NEIL3: variants seen among roughly 807,000 people sequenced by gnomAD.
NEIL3 encodes nei like DNA glycosylase 3, also known as endonuclease 8-like 3.
A neutral mutation model predicts 57.5 loss-of-function variants in NEIL3; 48 were observed. The observed-to-expected ratio is 0.83, with a 90% CI of 0.66 to 1.06. NEIL3 has a LOEUF of 1.06. Ranked by LOEUF, NEIL3 falls within the 50% of genes least tolerant of loss-of-function variation. NEIL3 has a pLI of 0.00. For missense variants in NEIL3, 717 were observed against 739.1 expected (o/e 0.97, Z 0.35); for synonymous variants, 261 against 253.2 (o/e 1.03, Z -0.29).
At chr4:177,320,466 CTTTTTTTTTT>C (rs34353849) in intron 1 of NEIL3, among the ~76,000 whole-genome samples, 7 of 77,456 alleles carry the variant, frequency 9.0e-5, no homozygotes, top group East Asian at 1.5e-3. Flanking sequence ...TGACTGCTGT[CTTTTTTTTTT>C]TTTTTTTTTT....
intron 6 of NEIL3, chr4:177,343,855 A>T (rs1409551895): frequency 1.3e-5 from 2 of 151,880 alleles, no homozygotes; most frequent in Non-Finnish European, 2.9e-5. Flanking sequence ...ACTTTTTTAT[A>T]ATATAGGTAT....
At chr4:177,369,518 G>A in the NEIL3 span, among the ~76,000 whole-genome samples, 1 of 152,134 alleles carries the variant, frequency 6.6e-6, no homozygotes, top group Non-Finnish European at 1.5e-5. Context: ...AGGAGCCCAT[G>A]GGCAGATAAG....
chr4:177,342,932 T>G (rs1735126699), intron 6 of NEIL3: 1 of 152,174 alleles, frequency 6.6e-6, no homozygotes, highest in Non-Finnish European at 1.5e-5. Context: ...TTTCCTAAAT[T>G]AGCACATTAA....
At chr4:177,314,489 G>C (rs1734536419) in intron 1 of NEIL3, among the ~76,000 whole-genome samples, 1 of 152,110 alleles carries the variant, frequency 6.6e-6, no homozygotes, top group East Asian at 1.9e-4. Context: ...TTAGTACCTA[G>C]CAAAATAAAC....
At chr4:177,335,951 C>T in intron 3 of NEIL3, 129 bp downstream of exon 3, 2 of 1,060,074 alleles carry the variant, frequency 1.9e-6, no homozygotes, top group South Asian at 3.5e-5. Context: ...TTAAAGAAGC[C>T]TTCAGATAAT....
At chr4:177,336,085 G>C in intron 3 of NEIL3, 23 bp from the exon 4 acceptor site, 1 of 1,538,184 alleles carries the variant, frequency 6.5e-7, no homozygotes, top group South Asian at 1.1e-5. Context: ...TATGATTAAT[G>C]TGTTTTATAT....
At chr4:177,322,435 G>A (rs772254684) in intron 1 of NEIL3, 24 bp from the exon 2 acceptor site, 2 of 1,613,712 alleles carry the variant, frequency 1.2e-6, no homozygotes, top group Admixed American at 3.3e-5. Context: ...GTGTGCTTAT[G>A]TGTGTACATG....
In NEIL3 at chr4:177,345,594, G is replaced by T. The variant is rs935046816; in HGVS notation, c.869+3952G>T. The stretch of plus-strand genomic sequence containing the variant: ...AGATGGCGTTTCCCATGTTGGCCAG[G>T]ATGGTCTCGATCTCTTGGCCTCGTG... On this transcript the variant is annotated intron_variant, in intron 6 of 9. Coordinates refer to ENST00000264596, the MANE Select transcript of NEIL3 (RefSeq NM_018248.3). Among the ~76,000 whole-genome samples the T allele has an allele frequency of 1.3e-4, 19 of 151,660 alleles. 1 individual carries two copies. Among genetic ancestry groups the T allele is most frequent in the African/African-American group, 3.4e-4 (14 of 41,294 alleles).
Position 177,351,475 on chromosome 4 carries a change from C to T in NEIL3, c.965C>T (p.Thr322Ile), listed in dbSNP as rs911158249. 1 of 1,613,770 alleles carries T rather than the reference C, an allele frequency of 6.2e-7. No individual in the cohort carries two copies. Among genetic ancestry groups the T allele is most frequent in the African/African-American group, 1.3e-5 (1 of 74,970 alleles). ...SVARKSEEHWTCVVCTLINKP... is the reference protein window; with the variant it reads ...SVARKSEEHWICVVCTLINKP... ...GCTCGGAAGTCGGAAGAGCACTGGA[C>T]CTGTGTGGTGTGTACTTTAATCAAT... is the stretch of plus-strand genomic sequence containing the variant. The change falls in exon 7 of 10, where the codon ACC (threonine) becomes ATC (isoleucine). Residue 322 changes from threonine (T) to isoleucine (I), a missense_variant. Transcript: ENST00000264596.
chr4:177,312,216 G>C (rs1028843641), intron 1 of NEIL3, among the ~76,000 whole-genome samples: 1 of 152,138 alleles, frequency 6.6e-6, no homozygotes, highest in African/African-American at 2.4e-5. Flanking sequence ...GAGGCTCAGA[G>C]TGACTTTAAG....
At chr4:177,316,997 G>A (rs1318557922) in intron 1 of NEIL3, among the ~76,000 whole-genome samples, 1 of 152,080 alleles carries the variant, frequency 6.6e-6, no homozygotes, top group Non-Finnish European at 1.5e-5. Flanking sequence ...ATTAAAAAAG[G>A]AATTCTTAAA....
chr4:177,322,023 T>C (rs1316884983), intron 1 of NEIL3, among the ~76,000 whole-genome samples: 1 of 152,244 alleles, frequency 6.6e-6, no homozygotes, highest in African/African-American at 2.4e-5. Flanking sequence ...AAAAATATTT[T>C]GTTTTCATAT....
intron 8 of NEIL3, among the ~76,000 whole-genome samples, chr4:177,357,893 C>T (rs1560922733): frequency 6.6e-6 from 1 of 152,152 alleles, no homozygotes; most frequent in Middle Eastern, 3.4e-3. Flanking sequence ...GTCATGATCA[C>T]GAAAATGAAC....
chr4:177,353,582 C>T lies in NEIL3; in HGVS notation c.1314C>T (p.Asn438=), dbSNP rs201857225. 425 of 1,613,088 alleles carry T rather than the reference C, an allele frequency of 2.6e-4. No homozygotes were observed. The highest frequency in any genetic ancestry group is 3.4e-4 in the Non-Finnish European group (402 of 1,179,344). The part of the protein sequence containing the change: ...DIQHPSKKTT[N]DITQPSSKVN... Reference sequence around the variant, plus strand: ...AGCACCCCTCCAAGAAGACAACAAACGATATAACTCAACCATCCAGCAAAG... The same window carrying T: ...AGCACCCCTCCAAGAAGACAACAAATGATATAACTCAACCATCCAGCAAAG... The change falls in exon 8 of 10, where the codon AAC becomes AAT. Residue 438 remains asparagine, a synonymous_variant. Coordinates refer to ENST00000264596, the MANE Select transcript of NEIL3 (RefSeq NM_018248.3).
chr4:177,358,667 G>A (rs1050074945), intron 8 of NEIL3, among the ~76,000 whole-genome samples: 6 of 152,058 alleles, frequency 3.9e-5, no homozygotes, highest in Non-Finnish European at 8.8e-5. Flanking sequence ...CAGAAGTGAA[G>A]GCAGAGAGAT....
intron 4 of NEIL3, among the ~76,000 whole-genome samples, chr4:177,337,564 C>T (rs1310984653): frequency 6.6e-6 from 1 of 152,114 alleles, no homozygotes; most frequent in Non-Finnish European, 1.5e-5. Context: ...TAGACCTCTA[C>T]GAAAGTTGTT....
chr4:177,313,637 A>C (rs1734517382), intron 1 of NEIL3, among the ~76,000 whole-genome samples: 1 of 152,240 alleles, frequency 6.6e-6, no homozygotes, highest in Non-Finnish European at 1.5e-5. Context: ...AATCATATTT[A>C]ATCTGCATGT....
chr4:177,341,370 A>G, intron 5 of NEIL3, 106 bp from the exon 6 acceptor site: 1 of 861,932 alleles, frequency 1.2e-6, no homozygotes, highest in South Asian at 2.1e-5. Flanking sequence ...ACATATGTAA[A>G]TTTTTAGCAG....
intron 9 of NEIL3, 60 bp downstream of exon 9, chr4:177,360,737 A>G: frequency 7.8e-7 from 1 of 1,282,830 alleles, no homozygotes; most frequent in Non-Finnish European, 1.1e-6. Flanking sequence ...TTATTAATGT[A>G]TAACAAATAG....
Sources: allele counts gnomAD v4.1 joint callset (sites outside exome capture counted in the v4.1 genomes callset), GRCh38; gene constraint gnomAD v4.1.1; transcripts MANE v1.5; gene names NCBI Gene and HGNC (gene_info 2026-07-23, HGNC 2026-07-21).